CNTN5: variants seen among roughly 807,000 people sequenced by gnomAD.
The protein encoded by CNTN5 is contactin 5, also known as contactin-5.
CNTN5 carries 77 observed loss-of-function variants against 129.1 expected under a neutral mutation model. The observed-to-expected ratio is 0.60, with a 90% CI of 0.50 to 0.72. CNTN5 has a LOEUF of 0.72. CNTN5 is among the 30% of genes least tolerant of loss of function. CNTN5 has a pLI of 0.00. For synonymous variants in CNTN5, 509 were observed against 465.6 expected (o/e 1.09, Z -1.20); for missense variants, 1,478 against 1,328.8 (o/e 1.11, Z -1.75).
intron 14 of CNTN5, among the ~76,000 whole-genome samples, chr11:100,191,870 T>C (rs1331797366): frequency 6.6e-6 from 1 of 152,056 alleles, no homozygotes; most frequent in Non-Finnish European, 1.5e-5. Context: ...CTCTATGTCA[T>C]TGTTTAGTGA....
chr11:100,309,905 C>T (rs1163558965), intron 21 of CNTN5, among the ~76,000 whole-genome samples: 2 of 151,834 alleles, frequency 1.3e-5, no homozygotes, highest in African/African-American at 4.8e-5. Context: ...GACCTCGCCA[C>T]ACTTAGTCAG....
chr11:99,357,936 G>A (rs1042141519), intron 2 of CNTN5, among the ~76,000 whole-genome samples: 5 of 150,946 alleles, frequency 3.3e-5, no homozygotes, highest in East Asian at 2.0e-4. Flanking sequence ...CCCTGGAGGC[G>A]GAGGTTGCAG....
chr11:99,369,168 T>TTATATATATA (rs971531361), intron 2 of CNTN5, among the ~76,000 whole-genome samples: 2 of 142,962 alleles, frequency 1.4e-5, no homozygotes, highest in African/African-American at 5.2e-5. Context: ...GGGAGAAGAA[T>TTATATATATA]TATATATATA....
chr11:99,221,797 T>A (rs1182265768), intron 1 of CNTN5, among the ~76,000 whole-genome samples: 1 of 151,988 alleles, frequency 6.6e-6, no homozygotes, highest in African/African-American at 2.4e-5. Context: ...AATTAAGGAA[T>A]TCTGGGAAAT....
intron 4 of CNTN5, among the ~76,000 whole-genome samples, chr11:99,831,594 C>A (rs1164164594): frequency 6.6e-6 from 1 of 151,964 alleles, no homozygotes; most frequent in Non-Finnish European, 1.5e-5. Context: ...CAACTGGCAG[C>A]AGACTGCCAG....
At chr11:99,386,634 T>C (rs1211771672) in intron 2 of CNTN5, among the ~76,000 whole-genome samples, 1 of 152,144 alleles carries the variant, frequency 6.6e-6, no homozygotes, top group Non-Finnish European at 1.5e-5. Flanking sequence ...ACCTCCTATC[T>C]CATCCTGTGA....
At chr11:99,122,224 C>T (rs1417907140) in intron 1 of CNTN5, among the ~76,000 whole-genome samples, 2 of 152,028 alleles carry the variant, frequency 1.3e-5, no homozygotes, top group African/African-American at 2.4e-5. Flanking sequence ...TTTACTATCC[C>T]TTGCTTTAGG....
chr11:99,128,864 C>G (rs1858784930), intron 1 of CNTN5, among the ~76,000 whole-genome samples: 1 of 152,130 alleles, frequency 6.6e-6, no homozygotes, highest in Admixed American at 6.5e-5. Context: ...AGCAGACCTG[C>G]AGAGGAGGAC....
chr11:99,934,924 A>ATATATG (rs1950278142), intron 7 of CNTN5, among the ~76,000 whole-genome samples: 1 of 71,758 alleles, frequency 1.4e-5, no homozygotes, highest in Non-Finnish European at 2.4e-5. Flanking sequence ...ATATATATAT[A>ATATATG]TATATATATA....
At chr11:99,656,480 G>A (rs1406669475) in intron 3 of CNTN5, among the ~76,000 whole-genome samples, 1 of 152,118 alleles carries the variant, frequency 6.6e-6, no homozygotes, top group African/African-American at 2.4e-5. Context: ...CTAAATGCCT[G>A]CCCTTTAAGG....
At chr11:99,493,871 C>G (rs1332573401) in intron 2 of CNTN5, among the ~76,000 whole-genome samples, 2 of 144,530 alleles carry the variant, frequency 1.4e-5, no homozygotes, top group East Asian at 3.9e-4. Context: ...AAGATTTTAC[C>G]AAGATTTACT....
intron 2 of CNTN5, among the ~76,000 whole-genome samples, chr11:99,490,958 T>A (rs1020386776): frequency 6.6e-6 from 1 of 152,016 alleles, no homozygotes; most frequent in Non-Finnish European, 1.5e-5. Flanking sequence ...CTAACCACTA[T>A]TGGGACAGCT....
intron 13 of CNTN5, among the ~76,000 whole-genome samples, chr11:100,084,586 C>T (rs1944477791): frequency 6.6e-6 from 1 of 151,832 alleles, no homozygotes; most frequent in African/African-American, 2.4e-5. Flanking sequence ...AGAAACTGTA[C>T]ATCATTTCCA....
chr11:100,042,414 T>C (rs1261425567), intron 9 of CNTN5, among the ~76,000 whole-genome samples: 1 of 152,184 alleles, frequency 6.6e-6, no homozygotes, highest in East Asian at 1.9e-4. Flanking sequence ...CATAACTGTA[T>C]ATATTTTCAC....
chr11:99,213,483 C>CGTAT (rs1359759172), intron 1 of CNTN5, among the ~76,000 whole-genome samples: 3 of 136,596 alleles, frequency 2.2e-5, no homozygotes, highest in Middle Eastern at 4.0e-3. Flanking sequence ...TATATACACA[C>CGTAT]ATATATATAT....
At chr11:99,789,442 T>C (rs1381466269) in intron 3 of CNTN5, among the ~76,000 whole-genome samples, 1 of 151,990 alleles carries the variant, frequency 6.6e-6, no homozygotes, top group Non-Finnish European at 1.5e-5. Flanking sequence ...TAATTTTTCA[T>C]GTTATAATGG....
chr11:99,224,797 A>G (rs1383139525), intron 1 of CNTN5, among the ~76,000 whole-genome samples: 1 of 150,824 alleles, frequency 6.6e-6, no homozygotes, highest in East Asian at 2.0e-4. Context: ...TTTCTTTTCA[A>G]GGTAACCCAC....
At chr11:99,311,681 C>A (rs576680612) in intron 1 of CNTN5, among the ~76,000 whole-genome samples, 1 of 152,080 alleles carries the variant, frequency 6.6e-6, no homozygotes, top group African/African-American at 2.4e-5. Flanking sequence ...TGAAATAAGC[C>A]TTTTTAAAAA....
At chr11:100,037,470 A>T (rs1424391248) in intron 9 of CNTN5, among the ~76,000 whole-genome samples, 1 of 152,040 alleles carries the variant, frequency 6.6e-6, no homozygotes, top group African/African-American at 2.4e-5. Flanking sequence ...TATCAGGATG[A>T]TGCTGGCCTC....
Sources: allele counts gnomAD v4.1 joint callset (sites outside exome capture counted in the v4.1 genomes callset), GRCh38; gene constraint gnomAD v4.1.1; transcripts MANE v1.5; gene names NCBI Gene and HGNC (gene_info 2026-07-23, HGNC 2026-07-21).